The following DMD variants were observed in gnomAD, a reference collection of about 807,000 sequenced individuals.
DMD encodes the protein dystrophin, also known as mutant dystrophin.
DMD carries 63 observed loss-of-function variants against 330.1 expected under a neutral mutation model. That is an observed-to-expected ratio of 0.19 (90% CI 0.16 to 0.24). DMD has a LOEUF of 0.24. Ranked by LOEUF, DMD falls within the 10% of genes least tolerant of loss-of-function variation. The pLI is 1.00. For synonymous variants in DMD, 1,223 were observed against 959.8 expected, an observed-to-expected ratio of 1.27 and a Z score of -5.07; for missense variants, 3,344 against 2,684.1, an observed-to-expected ratio of 1.25 and a Z score of -5.43.
chrX:32,009,719 C>A (rs775314883), intron 44 of DMD, among the ~76,000 whole-genome samples: 9 of 111,596 alleles, frequency 8.1e-5, no homozygotes, highest in Non-Finnish European at 1.5e-4. Flanking sequence ...AAAGAGGTTG[C>A]TACAGAGTTC....
chrX:32,161,137 G>A (rs981488835), intron 44 of DMD, among the ~76,000 whole-genome samples: 2 of 111,592 alleles, frequency 1.8e-5, no homozygotes, highest in Admixed American at 1.9e-4. Flanking sequence ...CTATTTTAGC[G>A]ATTCTGGGTT....
intron 29 of DMD, among the ~76,000 whole-genome samples, chrX:32,412,653 T>G (rs1278987967): frequency 9.0e-6 from 1 of 111,579 alleles, no homozygotes; most frequent in Non-Finnish European, 1.9e-5. Flanking sequence ...AAGTCTCCCT[T>G]CAAGGATCTG....
intron 61 of DMD, among the ~76,000 whole-genome samples, chrX:31,341,876 CGT>C (rs1195051679): frequency 1.1e-3 from 82 of 73,458 alleles, no homozygotes; most frequent in Admixed American, 3.5e-3. Flanking sequence ...GGCGTGCGCG[CGT>C]GCGTGCGCGC....
At chrX:32,159,426 C>A (rs996462689) in intron 44 of DMD, among the ~76,000 whole-genome samples, 1 of 112,121 alleles carries the variant, frequency 8.9e-6, no homozygotes, top group African/African-American at 3.2e-5. Flanking sequence ...TTTTTCTCTG[C>A]AAACTTAGTT....
intron 6 of DMD, among the ~76,000 whole-genome samples, chrX:32,812,248 G>A (rs1245235633): frequency 9.0e-6 from 1 of 111,194 alleles, no homozygotes; most frequent in Non-Finnish European, 1.9e-5. Context: ...CTGTTTAAGA[G>A]CTCATGCTAT....
At chrX:33,000,084 C>G (rs1327176857) in intron 2 of DMD, among the ~76,000 whole-genome samples, 1 of 112,011 alleles carries the variant, frequency 8.9e-6, no homozygotes, top group Non-Finnish European at 1.9e-5. Context: ...ATAAGCTAGA[C>G]TATTAAGATT....
chrX:33,278,241 G>T (rs1260466673), intron 1 of DMD, among the ~76,000 whole-genome samples: 1 of 111,603 alleles, frequency 9.0e-6, no homozygotes, highest in Non-Finnish European at 1.9e-5. Flanking sequence ...AGAGTATATT[G>T]TGTGATATTT....
At chrX:33,219,087 A>G (rs1449303618) in intron 1 of DMD, among the ~76,000 whole-genome samples, 1 of 111,774 alleles carries the variant, frequency 8.9e-6, no homozygotes, top group Non-Finnish European at 1.9e-5. Flanking sequence ...TCATGTCAGT[A>G]TAAGTGACTA....
intron 1 of DMD, among the ~76,000 whole-genome samples, chrX:33,078,227 G>A (rs929340927): frequency 9.0e-6 from 1 of 111,608 alleles, no homozygotes; most frequent in African/African-American, 3.3e-5. Flanking sequence ...TGTGGACAAG[G>A]TATGAGGCCA....
chrX:32,268,559 A>G (rs2097353211), intron 43 of DMD, among the ~76,000 whole-genome samples: 1 of 110,752 alleles, frequency 9.0e-6, no homozygotes, highest in Non-Finnish European at 1.9e-5. Flanking sequence ...CTTTCTCACA[A>G]CTCCAACATC....
intron 63 of DMD, among the ~76,000 whole-genome samples, chrX:31,228,267 T>TAAAAAAATAAAAAAAAAAAAAA (rs2046854839): frequency 2.5e-5 from 1 of 39,614 alleles, no homozygotes; most frequent in Non-Finnish European, 4.1e-5. Flanking sequence ...AAAAAAAAAA[T>TAAAAAAATAAAAAAAAAAAAAA]AAAAAAATAA....
intron 1 of DMD, among the ~76,000 whole-genome samples, chrX:33,034,307 G>A (rs758816401): frequency 2.6e-4 from 29 of 111,339 alleles, no homozygotes; most frequent in Non-Finnish European, 5.1e-4. Context: ...TGATCATTCC[G>A]AGCGCCTACT....
At chrX:32,601,435 G>A (rs1202770661) in intron 12 of DMD, among the ~76,000 whole-genome samples, 2 of 111,438 alleles carry the variant, frequency 1.8e-5, no homozygotes, top group Non-Finnish European at 3.8e-5. Flanking sequence ...CTACCAAATG[G>A]GGGTTCTGAA....
intron 44 of DMD, among the ~76,000 whole-genome samples, chrX:32,040,920 G>A (rs1330092719): frequency 4.5e-5 from 5 of 111,215 alleles, no homozygotes; most frequent in Non-Finnish European, 9.4e-5. Context: ...AGACAAAACC[G>A]TGCATCCATA....
At chrX:33,060,909 C>T (rs941971164) in intron 1 of DMD, among the ~76,000 whole-genome samples, 1 of 110,675 alleles carries the variant, frequency 9.0e-6, no homozygotes, top group Non-Finnish European at 1.9e-5. Flanking sequence ...TCCTTTGTGA[C>T]GTAGGTTCAG....
chrX:31,829,452 AT>A (rs888465453), intron 49 of DMD, among the ~76,000 whole-genome samples: 1 of 83,910 alleles, frequency 1.2e-5, no homozygotes, highest in Non-Finnish European at 2.3e-5. Flanking sequence ...AAAATTAAAA[AT>A]AAAAAAAAAT....
chrX:32,893,181 G>A (rs953419004), intron 2 of DMD, among the ~76,000 whole-genome samples: 14 of 111,730 alleles, frequency 1.3e-4, no homozygotes, highest in East Asian at 2.8e-4. Flanking sequence ...TTGATTATTC[G>A]GTTGGTCAGA....
At chrX:32,182,198 G>T (rs913792811) in intron 44 of DMD, among the ~76,000 whole-genome samples, 1 of 111,443 alleles carries the variant, frequency 9.0e-6, no homozygotes, top group African/African-American at 3.3e-5. Context: ...GCTGAAATGC[G>T]AATAATTCTA....
At chrX:32,383,262 C>A (rs1220830509) in intron 33 of DMD, among the ~76,000 whole-genome samples, 5 of 110,816 alleles carry the variant, frequency 4.5e-5, no homozygotes, top group African/African-American at 1.6e-4. Context: ...TTGCAGAAAT[C>A]AATTTACCTA....
Sources: gnomAD v4.1 joint callset for allele counts (sites outside exome capture counted in the v4.1 genomes callset) on GRCh38, gnomAD v4.1.1 for gene constraint, MANE v1.5 for transcripts, NCBI Gene and HGNC (gene_info 2026-07-23, HGNC 2026-07-21) for gene names.